Variants in GRM3 observed in about 807,000 individuals in gnomAD.
The protein encoded by GRM3 is metabotropic glutamate receptor 3.
GRM3 carries 26 observed loss-of-function variants against 70.5 expected under a neutral mutation model. The ratio of observed to expected loss-of-function variants is 0.37; its 90% CI spans 0.27 to 0.51. GRM3 has a LOEUF of 0.51. GRM3 is among the 20% of genes least tolerant of loss of function. The pLI is 0.93. For synonymous variants in GRM3, 443 were observed against 434.9 expected (o/e 1.02, Z -0.23); for missense variants, 859 against 1,123.8 (o/e 0.76, Z 3.37).
chr7:86,860,587 C>T, intron 5 of GRM3, among the ~76,000 whole-genome samples: 1 of 152,142 alleles, frequency 6.6e-6, no homozygotes, highest in East Asian at 1.9e-4. Flanking sequence ...TGTAAGAAGA[C>T]CTTGAATTTG....
intron 1 of GRM3, among the ~76,000 whole-genome samples, chr7:86,703,486 G>A (rs1333529749): frequency 1.3e-5 from 2 of 151,968 alleles, no homozygotes; most frequent in Non-Finnish European, 2.9e-5. Flanking sequence ...GCATTCAAAG[G>A]TAATTGAAAC....
intron 4 of GRM3, among the ~76,000 whole-genome samples, chr7:86,849,141 C>G (rs531399221): frequency 6.6e-6 from 1 of 152,278 alleles, no homozygotes; most frequent in East Asian, 1.9e-4. Flanking sequence ...GAGTCATAGG[C>G]AGGAACTGAG....
intron 3 of GRM3, among the ~76,000 whole-genome samples, chr7:86,830,161 A>G (rs1385990217): frequency 6.6e-6 from 1 of 152,130 alleles, no homozygotes; most frequent in African/African-American, 2.4e-5. Flanking sequence ...GCCTCTACCT[A>G]TAGAGAACAT....
At chr7:86,663,308 G>C (rs1197970030) in intron 1 of GRM3, among the ~76,000 whole-genome samples, 3 of 152,102 alleles carry the variant, frequency 2.0e-5, no homozygotes, top group East Asian at 3.9e-4. Flanking sequence ...CAAGGCAGTG[G>C]TGAACTCTAC....
At chr7:86,726,638 G>A (rs1795598941) in intron 1 of GRM3, among the ~76,000 whole-genome samples, 1 of 151,960 alleles carries the variant, frequency 6.6e-6, no homozygotes, top group African/African-American at 2.4e-5. Context: ...GAGCCATATA[G>A]AACAACCACA....
chr7:86,786,320 C>T lies in GRM3; in HGVS notation c.528C>T (p.Ala176=), dbSNP rs761116084. The T allele has an allele frequency of 1.9e-6, 3 of 1,614,188 alleles. No homozygotes were observed. The highest frequency in any genetic ancestry group is 2.2e-5 in the South Asian group (2 of 91,082). Residue 176 remains alanine (A), a synonymous_variant, in exon 3 of 6, where the codon GCC becomes GCT. Coordinates refer to ENST00000361669, the MANE Select transcript of GRM3 (RefSeq NM_000840.3). The surrounding 1 kb of genome is among the most constrained non-coding windows in gnomAD (Gnocchi z 6.0). ...IPQISYASTS[A]KLSDKSRYDY... is the part of the protein sequence containing the mutation. ...AGATCAGCTACGCATCCACCAGCGC[C>T]AAACTCAGTGATAAGTCGCGCTATG...
intron 3 of GRM3, among the ~76,000 whole-genome samples, chr7:86,827,851 A>G (rs532936867): frequency 1.1e-3 from 170 of 152,180 alleles, no homozygotes; most frequent in African/African-American, 3.7e-3. Flanking sequence ...GGTGGCTCAC[A>G]CCTGTAACCC....
Position 86,847,920 on chromosome 7 carries a change from G to A in GRM3, c.2392-2450G>A, listed in dbSNP as rs146476647. ...TATAACAGGTATACTGAATAAACAT[G>A]GTGCACAAACTATGATAAAAATGCA... On this transcript the variant is annotated intron_variant, in intron 4 of 5. Transcript: ENST00000361669. 1.1e-4 allele frequency among the ~76,000 whole-genome samples: 17 copies of A among 152,196 alleles called. 2 individuals are homozygous for A. The highest frequency in any genetic ancestry group is 3.6e-4 in the African/African-American group (15 of 41,542).
chr7:86,764,825 A>T (rs1796561672), intron 1 of GRM3, among the ~76,000 whole-genome samples, 181 bp from the exon 2 acceptor site: 1 of 152,086 alleles, frequency 6.6e-6, no homozygotes, highest in Non-Finnish European at 1.5e-5. Flanking sequence ...TAGGAACTAC[A>T]TCATAGAGTG....
chr7:86,751,540 T>C (rs1796231013), intron 1 of GRM3, among the ~76,000 whole-genome samples: 1 of 152,152 alleles, frequency 6.6e-6, no homozygotes, highest in Non-Finnish European at 1.5e-5. Flanking sequence ...TATAATTTCA[T>C]TCACTTTTCA....
intron 3 of GRM3, among the ~76,000 whole-genome samples, chr7:86,831,516 T>C (rs1798351418): frequency 1.3e-5 from 2 of 152,132 alleles, no homozygotes; most frequent in South Asian, 2.1e-4. Flanking sequence ...GACTTTCAGC[T>C]CAAATAAATC....
Position 86,786,291 on chromosome 7 carries a change from C to T in GRM3, c.499C>T (p.Pro167Ser). The T allele has an allele frequency of 6.2e-7, 1 of 1,614,004 alleles. No homozygotes were observed. The highest frequency in any genetic ancestry group is 8.5e-7 in the Non-Finnish European group (1 of 1,179,940). The change falls in exon 3 of 6, where the codon CCT becomes TCT. Residue 167 changes from proline (P) to serine (S), a missense_variant. Transcript: ENST00000361669. The surrounding 1 kb of genome is among the most constrained non-coding windows in gnomAD (Gnocchi z 6.0). ...VANLLRLFQI[P>S]QISYASTSAK... The stretch of plus-strand genomic sequence containing the variant: ...AAACCTGCTGCGGCTCTTCCAGATC[C>T]CTCAGATCAGCTACGCATCCACCAG...
chr7:86,799,467 A>T (rs1336843090), intron 3 of GRM3, among the ~76,000 whole-genome samples: 1 of 152,062 alleles, frequency 6.6e-6, no homozygotes, highest in Non-Finnish European at 1.5e-5. Context: ...CCCATTCAGT[A>T]TGATATTGCC....
intron 1 of GRM3, among the ~76,000 whole-genome samples, chr7:86,711,241 C>G (rs1163823172): frequency 6.6e-6 from 1 of 151,450 alleles, no homozygotes; most frequent in Non-Finnish European, 1.5e-5. Context: ...AGAACAGTTG[C>G]CTGTAAAACA....
rs1165969016 is a variant in GRM3 at position 86,656,260 on chromosome 7, C to CTTTTT, written c.-141+11407_-141+11411dup. Among the ~76,000 whole-genome samples, 88 of 83,254 alleles carry CTTTTT rather than the reference C, an allele frequency of 1.1e-3. 3 individuals are homozygous for CTTTTT. The highest frequency in any genetic ancestry group is 1.8e-3 in the African/African-American group (36 of 20,488). The allele number at this position is 83,254 out of a possible 152,430, so 54.6% of individuals were successfully genotyped here. On this transcript the variant is annotated intron_variant, in intron 1 of 5. Transcript: ENST00000361669. Reference sequence around the variant, plus strand: ...CCATTTTGTGACACTATACTATGTTCTTTTTTTTTTTTTTTTTTTTTTTGA... The same window carrying CTTTTT: ...CCATTTTGTGACACTATACTATGTTCTTTTTTTTTTTTTTTTTTTTTTTTTTTTGA...
At chr7:86,758,765 A>G (rs1796409034) in intron 1 of GRM3, among the ~76,000 whole-genome samples, 1 of 152,018 alleles carries the variant, frequency 6.6e-6, no homozygotes. Flanking sequence ...TGAATAGGAG[A>G]TGTGATTTTT....
At chr7:86,737,794 G>A (rs935131393) in intron 1 of GRM3, among the ~76,000 whole-genome samples, 1 of 151,992 alleles carries the variant, frequency 6.6e-6, no homozygotes, top group Non-Finnish European at 1.5e-5. Context: ...AATATGATCT[G>A]TAAAGCAGCA....
chr7:86,646,014 G>C (rs1562811305), intron 1 of GRM3, among the ~76,000 whole-genome samples: 2 of 66,050 alleles, frequency 3.0e-5, no homozygotes, highest in East Asian at 8.7e-4. Context: ...GGTGGGGGGG[G>C]GTGGGAGGGA....
chr7:86,680,547 TC>T (rs775942959), intron 1 of GRM3, among the ~76,000 whole-genome samples: 28 of 152,220 alleles, frequency 1.8e-4, no homozygotes, highest in Non-Finnish European at 3.8e-4. Flanking sequence ...GGTTTTCTCT[TC>T]CCATTTTAAT....
Sources: gnomAD v4.1 joint callset for allele counts (sites outside exome capture counted in the v4.1 genomes callset) on GRCh38, gnomAD v4.1.1 for gene constraint, Gnocchi (gnomAD v3.1) non-coding constraint, MANE v1.5 for transcripts, NCBI Gene and HGNC (gene_info 2026-07-23, HGNC 2026-07-21) for gene names.